The following NKAIN2 variants were observed in gnomAD, a reference collection of about 807,000 sequenced individuals.
NKAIN2 encodes sodium/potassium-transporting ATPase subunit beta-1-interacting protein 2.
In NKAIN2, 14 loss-of-function variants were observed where a neutral mutation model predicts 32.6. The observed-to-expected ratio is 0.43, with a 90% CI of 0.28 to 0.67. NKAIN2 has a LOEUF of 0.67. Ranked by LOEUF, NKAIN2 falls within the 30% of genes least tolerant of loss-of-function variation. The pLI, the probability that NKAIN2 is intolerant of heterozygous loss-of-function variation, is 0.17. For synonymous variants in NKAIN2, 80 were observed against 87.2 expected, an observed-to-expected ratio of 0.92 and a Z score of 0.46; for missense variants, 198 against 258.3, an observed-to-expected ratio of 0.77 and a Z score of 1.60.
chr6:124,020,044 A>C (rs1294343710), intron 1 of NKAIN2, among the ~76,000 whole-genome samples: 1 of 152,098 alleles, frequency 6.6e-6, no homozygotes, highest in Non-Finnish European at 1.5e-5. Context: ...ACCATTGTTC[A>C]CTTTAGCTGG....
chr6:123,975,407 G>A (rs977295453), intron 1 of NKAIN2, among the ~76,000 whole-genome samples: 3 of 152,084 alleles, frequency 2.0e-5, no homozygotes, highest in Non-Finnish European at 2.9e-5. Context: ...ACAAGGAGAG[G>A]ATTCTGAAGC....
intron 4 of NKAIN2, 124 bp downstream of exon 4, chr6:124,658,510 T>G: frequency 6.6e-7 from 1 of 1,514,250 alleles, no homozygotes; most frequent in Non-Finnish European, 8.8e-7. Context: ...TCCTCATTAA[T>G]GCGACTTTTA....
At position 124,295,781 on chromosome 6, in the gene NKAIN2, A is replaced by G. The variant is rs143071726; in HGVS notation, c.192+12639A>G. Among the ~76,000 whole-genome samples the G allele has an allele frequency of 7.4e-4, 112 of 152,248 alleles. 1 individual carries two copies. The highest frequency in any genetic ancestry group is 1.3e-3 in the Non-Finnish European group (91 of 67,978). The stretch of plus-strand genomic sequence containing the variant: ...ATATAATTGTTTTCTGAACTAAAAC[A>G]TCTATAATGCTCCTGGAAATGTTTT... On this transcript the variant is annotated intron_variant, in intron 2 of 6. Coordinates refer to ENST00000368417, the MANE Select transcript of NKAIN2 (RefSeq NM_001040214.3).
intron 3 of NKAIN2, among the ~76,000 whole-genome samples, chr6:124,445,998 G>T (rs1016557436): frequency 1.3e-5 from 2 of 152,046 alleles, no homozygotes; most frequent in Admixed American, 6.6e-5. Flanking sequence ...CCTTCAAAAT[G>T]GGGGAGCGGG....
At chr6:124,445,052 G>T (rs1775834148) in intron 3 of NKAIN2, among the ~76,000 whole-genome samples, 1 of 152,000 alleles carries the variant, frequency 6.6e-6, no homozygotes, top group African/African-American at 2.4e-5. Flanking sequence ...TCATTAGAAA[G>T]AATACAGTGG....
At chr6:124,464,054 C>T (rs1050850393) in intron 3 of NKAIN2, among the ~76,000 whole-genome samples, 3 of 152,060 alleles carry the variant, frequency 2.0e-5, no homozygotes, top group African/African-American at 7.2e-5. Flanking sequence ...ATGATCTCGA[C>T]TCACTGCAAC....
chr6:124,121,954 G>C (rs543932817), intron 1 of NKAIN2: 5 of 1,101,136 alleles, frequency 4.5e-6, no homozygotes, highest in Admixed American at 2.4e-5. Context: ...GAGTTTTTCA[G>C]AGTAATATTT....
chr6:124,034,524 T>C (rs6569375), intron 1 of NKAIN2, among the ~76,000 whole-genome samples: 18,699 of 152,168 alleles, frequency 0.12, 3,513 homozygotes, highest in African/African-American at 0.41. Context: ...CTACCATTAA[T>C]GGGCACATAG....
At chr6:124,163,871 C>G (rs1017829295) in intron 1 of NKAIN2, among the ~76,000 whole-genome samples, 1 of 151,946 alleles carries the variant, frequency 6.6e-6, no homozygotes, top group African/African-American at 2.4e-5. Flanking sequence ...CAGTTAGTCT[C>G]CATTGATACA....
intron 1 of NKAIN2, among the ~76,000 whole-genome samples, chr6:124,051,057 GA>G (rs1201560371): frequency 6.6e-6 from 1 of 152,070 alleles, no homozygotes; most frequent in East Asian, 1.9e-4. Context: ...GTTGTGAATA[GA>G]AATCCATTTT....
chr6:124,383,660 A>G (rs190460301), intron 3 of NKAIN2, among the ~76,000 whole-genome samples: 15 of 152,278 alleles, frequency 9.9e-5, no homozygotes, highest in Admixed American at 2.0e-4. Flanking sequence ...TCCAATGCCA[A>G]TCTCAAGGAA....
intron 1 of NKAIN2, among the ~76,000 whole-genome samples, chr6:123,868,918 A>T (rs1262110695): frequency 1.3e-5 from 2 of 152,208 alleles, no homozygotes; most frequent in Admixed American, 6.5e-5. Context: ...AAAAAGAAAG[A>T]GGATAAGCAG....
rs575215799 is a variant in NKAIN2 at position 124,754,410 on chromosome 6, T to C, written c.475-36929T>C. ...CGTTGAGTAAATGCTGGGGTTAACATGAAATGTTAACATTTTCATGTTAAC... is the reference window on the plus strand; with the variant it reads ...CGTTGAGTAAATGCTGGGGTTAACACGAAATGTTAACATTTTCATGTTAAC... On this transcript the variant is annotated intron_variant, in intron 4 of 6. Transcript: ENST00000368417. Among the ~76,000 whole-genome samples, 264 of 152,086 alleles carry C rather than the reference T, an allele frequency of 1.7e-3. 3 individuals carry two copies. Among genetic ancestry groups the C allele is most frequent in the African/African-American group, 5.9e-3 (243 of 41,516 alleles).
intron 1 of NKAIN2, among the ~76,000 whole-genome samples, chr6:124,134,544 C>T (rs1471651370): frequency 6.6e-6 from 1 of 152,056 alleles, no homozygotes; most frequent in African/African-American, 2.4e-5. Context: ...ATTAGCTGGG[C>T]ATGGTGGTAC....
intron 1 of NKAIN2, among the ~76,000 whole-genome samples, chr6:124,261,313 C>G (rs1794238538): frequency 6.6e-6 from 1 of 152,122 alleles, no homozygotes; most frequent in Non-Finnish European, 1.5e-5. Flanking sequence ...ATGTTGACAT[C>G]CATTACTCAC....
intron 3 of NKAIN2, among the ~76,000 whole-genome samples, chr6:124,620,328 C>G (rs1328280969): frequency 3.9e-5 from 6 of 152,126 alleles, no homozygotes; most frequent in Admixed American, 1.3e-4. Flanking sequence ...CAAACCTCAT[C>G]TATGCAAGTA....
At chr6:124,398,283 G>C (rs113103904) in intron 3 of NKAIN2, among the ~76,000 whole-genome samples, 1 of 77,262 alleles carries the variant, frequency 1.3e-5, no homozygotes, top group South Asian at 3.8e-4. Context: ...AAAAAAAAAA[G>C]ATGAGCCCAA....
intron 1 of NKAIN2, among the ~76,000 whole-genome samples, chr6:124,019,176 C>T (rs1196213884): frequency 6.6e-6 from 1 of 152,126 alleles, no homozygotes; most frequent in Non-Finnish European, 1.5e-5. Flanking sequence ...CACTGGGTCC[C>T]TCCCACAACA....
chr6:123,947,767 G>T (rs931715538), intron 1 of NKAIN2, among the ~76,000 whole-genome samples: 1 of 152,096 alleles, frequency 6.6e-6, no homozygotes, highest in African/African-American at 2.4e-5. Flanking sequence ...AACATTTCAA[G>T]TCCTCTGTTA....
Sources: gnomAD v4.1 joint callset for allele counts (sites outside exome capture counted in the v4.1 genomes callset) on GRCh38, gnomAD v4.1.1 for gene constraint, MANE v1.5 for transcripts, NCBI Gene and HGNC (gene_info 2026-07-23, HGNC 2026-07-21) for gene names.